The following NUDCD3 variants were observed in gnomAD, a reference collection of about 807,000 sequenced individuals.
NUDCD3 encodes the protein nudC domain-containing protein 3.
Under a neutral mutation model 39.7 loss-of-function variants are expected in NUDCD3, and 13 were observed. The observed-to-expected ratio is 0.33, with a 90% CI of 0.21 to 0.52. NUDCD3 has a LOEUF of 0.52. Among genes scored for constraint, NUDCD3 ranks in the 20% least tolerant of loss-of-function variants. The probability of loss-of-function intolerance (pLI) is 0.96; values close to 1 mark genes in which losing one functional copy is unlikely to be tolerated. For synonymous variants in NUDCD3, 175 were observed against 172.4 expected, an observed-to-expected ratio of 1.02 and a Z score of -0.12; for missense variants, 453 against 458.1, an observed-to-expected ratio of 0.99 and a Z score of 0.10.
At chr7:44,425,982 G>A (rs1799226828) in intron 3 of NUDCD3, 1 of 228,516 alleles carries the variant, frequency 4.4e-6, no homozygotes, top group Non-Finnish European at 7.2e-6. Flanking sequence ...ATGACATGGT[G>A]TGGCTCCAGT....
rs908870657 is a variant in NUDCD3 at position 44,409,372 on chromosome 7, C to T, written c.643-4789G>A. 2.0e-5 allele frequency among the ~76,000 whole-genome samples: 3 copies of T among 152,124 alleles called. No homozygotes were observed. The South Asian group carries it at 6.2e-4, about 32-fold the overall frequency. Reference sequence around the variant, plus strand: ...AAATCGCCATCTAATAATTACTTGGCCACTAAGTTCACCAAGTACAGATTT... The same window carrying T: ...AAATCGCCATCTAATAATTACTTGGTCACTAAGTTCACCAAGTACAGATTT... On this transcript the variant is annotated intron_variant, in intron 3 of 5. Coordinates refer to ENST00000355451, the MANE Select transcript of NUDCD3 (RefSeq NM_015332.4).
chr7:44,469,860 G>C (rs1800217552), intron 2 of NUDCD3, among the ~76,000 whole-genome samples: 1 of 151,674 alleles, frequency 6.6e-6, no homozygotes, highest in Admixed American at 6.6e-5. Context: ...AAAAAAAAAG[G>C]ACCAGTTCTC....
chr7:44,456,386 A>C (rs1420442944), intron 2 of NUDCD3, among the ~76,000 whole-genome samples: 1 of 152,218 alleles, frequency 6.6e-6, no homozygotes, highest in Non-Finnish European at 1.5e-5. Flanking sequence ...TTAAAGGCCG[A>C]GCAAGTACCA....
At chr7:44,392,268 T>C (rs1318759117) in intron 5 of NUDCD3, 29 bp downstream of exon 5, 2 of 1,605,258 alleles carry the variant, frequency 1.2e-6, no homozygotes, top group East Asian at 4.5e-5. Flanking sequence ...GCCTAAAGGG[T>C]GGACTCTCCA....
intron 2 of NUDCD3, among the ~76,000 whole-genome samples, chr7:44,480,941 C>CAAAAAAAAAAAAAAAAAAAAAAAAAAA (rs1164765600): frequency 2.9e-5 from 1 of 34,876 alleles, no homozygotes; most frequent in African/African-American, 1.1e-4. Flanking sequence ...GACCCAGTAT[C>CAAAAAAAAAAAAAAAAAAAAAAAAAAA]AAAAAAAAAA....
intron 3 of NUDCD3, among the ~76,000 whole-genome samples, chr7:44,412,033 T>A (rs1481065083): frequency 3.3e-5 from 5 of 152,228 alleles, no homozygotes; most frequent in African/African-American, 1.2e-4. Context: ...TGTGGCACAC[T>A]CATGTTCAGG....
chr7:44,406,263 G>A (rs555504408), intron 3 of NUDCD3, among the ~76,000 whole-genome samples: 1 of 152,328 alleles, frequency 6.6e-6, no homozygotes, highest in East Asian at 1.9e-4. Flanking sequence ...TCATGAGATC[G>A]CAGTTCCACT....
intron 2 of NUDCD3, among the ~76,000 whole-genome samples, chr7:44,436,482 A>G (rs142318585): frequency 2.6e-5 from 4 of 152,352 alleles, no homozygotes; most frequent in African/African-American, 9.6e-5. Flanking sequence ...ATACATATAC[A>G]ACTTTAAGAG....
At chr7:44,475,722 G>A (rs1319619551) in intron 2 of NUDCD3, among the ~76,000 whole-genome samples, 1 of 151,830 alleles carries the variant, frequency 6.6e-6, no homozygotes, top group Admixed American at 6.6e-5. Context: ...ATTGCACCGT[G>A]CTCCACTATA....
rs946044752 is a variant in NUDCD3 at position 44,383,000 on chromosome 7, A to C, written c.*3011T>G. On this transcript the variant is annotated 3_prime_UTR_variant, in exon 6 of 6. Transcript: ENST00000355451. The stretch of plus-strand genomic sequence containing the variant: ...CAATTCTAAGGATTGCCTTTGAAAC[A>C]GTCTTTATTCAGCCAAGTACTTCTC... 1 of 152,274 alleles carries C rather than the reference A, an allele frequency of 6.6e-6. No homozygotes were observed. Among genetic ancestry groups the C allele is most frequent in the African/African-American group, 2.4e-5 (1 of 41,454 alleles). 9.4% of individuals were successfully genotyped at this position (152,274 alleles called of 1,614,324 possible).
rs189726987 is a variant in NUDCD3, at chr7:44,407,344, T to C, written c.643-2761A>G. On this transcript the variant is annotated intron_variant, in intron 3 of 5. Coordinates refer to ENST00000355451, the MANE Select transcript of NUDCD3 (RefSeq NM_015332.4). ...ACTTTAGGAGGCCGAGGCAGGCAGA[T>C]CACCTAAGGTTGACAGTTCGAGACC... is the stretch of plus-strand genomic sequence containing the variant. Among the ~76,000 whole-genome samples the C allele has an allele frequency of 3.3e-5, 5 of 150,974 alleles. No individual in the cohort carries two copies. The East Asian group carries it at 9.7e-4, about 29-fold the overall frequency.
rs990645807 is a variant in NUDCD3 at position 44,452,133 on chromosome 7, A to G, written c.510-24430T>C. ...CAGCCCATCCCAAGTCCCAGGGACA[A>G]GCCAACAGGAGTTAGAGTCCCAGGG... On this transcript the variant is annotated intron_variant, in intron 2 of 5. Coordinates refer to ENST00000355451, the MANE Select transcript of NUDCD3 (RefSeq NM_015332.4). Among the ~76,000 whole-genome samples the G allele has an allele frequency of 2.0e-5, 3 of 152,348 alleles. No homozygotes were observed. In the East Asian group the frequency reaches 5.8e-4, roughly 29 times the overall value.
chr7:44,401,256 C>A (rs1048963453), intron 4 of NUDCD3, among the ~76,000 whole-genome samples: 1 of 152,192 alleles, frequency 6.6e-6, no homozygotes, highest in African/African-American at 2.4e-5. Context: ...CAAACAGGAT[C>A]TTCGTGAATC....
chr7:44,484,703 G>C, intron 2 of NUDCD3: 1 of 394,274 alleles, frequency 2.5e-6, no homozygotes, highest in South Asian at 4.4e-5. Context: ...CTTTGTGAGA[G>C]GAGTCAAGTG....
chr7:44,450,948 C>T (rs1799784471), intron 2 of NUDCD3, among the ~76,000 whole-genome samples: 1 of 152,132 alleles, frequency 6.6e-6, no homozygotes, highest in Non-Finnish European at 1.5e-5. Context: ...ATTGATTATT[C>T]ATATACATAA....
At chr7:44,489,653 T>C (rs555635245) in intron 1 of NUDCD3, among the ~76,000 whole-genome samples, 1 of 152,322 alleles carries the variant, frequency 6.6e-6, no homozygotes, top group South Asian at 2.1e-4. Context: ...ATTTCCTTTC[T>C]TTACAATGGG....
At chr7:44,486,344 T>C (rs1009611054) in intron 1 of NUDCD3, among the ~76,000 whole-genome samples, 2 of 152,056 alleles carry the variant, frequency 1.3e-5, no homozygotes, top group Admixed American at 6.6e-5. Context: ...TTACAAACAT[T>C]CTCTCAAAAC....
intron 4 of NUDCD3, among the ~76,000 whole-genome samples, chr7:44,403,586 A>T (rs1798762587): frequency 6.6e-6 from 1 of 152,214 alleles, no homozygotes; most frequent in Non-Finnish European, 1.5e-5. Flanking sequence ...GGACAGAGTC[A>T]CTGTGAGCCT....
chr7:44,452,573 C>T (rs1478252935), intron 2 of NUDCD3, among the ~76,000 whole-genome samples: 1 of 152,172 alleles, frequency 6.6e-6, no homozygotes, highest in African/African-American at 2.4e-5. Flanking sequence ...CGACAAAGCA[C>T]AGGAGCTGGC....
Sources: gnomAD v4.1 joint callset for allele counts (sites outside exome capture counted in the v4.1 genomes callset) on GRCh38, gnomAD v4.1.1 for gene constraint, MANE v1.5 for transcripts, NCBI Gene and HGNC (gene_info 2026-07-23, HGNC 2026-07-21) for gene names.